Variants in PDE4D observed in about 807,000 individuals in gnomAD.
PDE4D encodes the protein 3',5'-cyclic-AMP phosphodiesterase 4D.
In PDE4D, 24 loss-of-function variants were observed where a neutral mutation model predicts 87.4. The observed-to-expected ratio is 0.27, with a 90% CI of 0.20 to 0.39. The LOEUF (loss-of-function observed/expected upper bound fraction) is 0.39. Among genes scored for constraint, PDE4D ranks in the 10% least tolerant of loss-of-function variants. The pLI is 1.00. For synonymous variants in PDE4D, 384 were observed against 383.2 expected (o/e 1.00, Z -0.02); for missense variants, 714 against 1,041.0 (o/e 0.69, Z 4.32).
intron 1 of PDE4D, among the ~76,000 whole-genome samples, chr5:59,823,658 T>G (rs374014509): frequency 2.6e-5 from 4 of 152,030 alleles, no homozygotes; most frequent in Non-Finnish European, 5.9e-5. Flanking sequence ...TGCTAGGAAC[T>G]CTTCTGTAGT....
intron 1 of PDE4D, among the ~76,000 whole-genome samples, chr5:59,241,110 T>C (rs1757576759): frequency 6.6e-6 from 1 of 152,162 alleles, no homozygotes; most frequent in Non-Finnish European, 1.5e-5. Flanking sequence ...TCTCCAAAGC[T>C]TATTTGTGGG....
At chr5:60,105,234 A>C (rs1317272382) in intron 2 of PDE4D, among the ~76,000 whole-genome samples, 1 of 152,234 alleles carries the variant, frequency 6.6e-6, no homozygotes, top group Non-Finnish European at 1.5e-5. Flanking sequence ...TCAGGAGCCA[A>C]TGCGATCAAC....
At chr5:60,443,672 T>G (rs555731831) in intron 1 of PDE4D, among the ~76,000 whole-genome samples, 7 of 152,208 alleles carry the variant, frequency 4.6e-5, no homozygotes, top group Admixed American at 2.0e-4. Context: ...ACAAAGCAAG[T>G]AATAATAAGA....
intron 1 of PDE4D, among the ~76,000 whole-genome samples, chr5:59,399,684 C>T (rs201495097): frequency 2.3e-4 from 30 of 130,518 alleles, no homozygotes; most frequent in South Asian, 2.0e-3. Flanking sequence ...AAGGACTTCA[C>T]GTCTAAAACA....
intron 3 of PDE4D, among the ~76,000 whole-genome samples, chr5:59,975,093 C>T (rs1185989772): frequency 6.6e-6 from 1 of 152,172 alleles, no homozygotes; most frequent in African/African-American, 2.4e-5. Context: ...AAAAACTTCT[C>T]GTTTGACATC....
chr5:60,294,731 C>A (rs1404013479), intron 1 of PDE4D, among the ~76,000 whole-genome samples: 1 of 151,888 alleles, frequency 6.6e-6, no homozygotes, highest in Non-Finnish European at 1.5e-5. Context: ...ATCCTTATGT[C>A]AAAACCTCAT....
intron 1 of PDE4D, among the ~76,000 whole-genome samples, chr5:59,237,825 T>C (rs2153520733): frequency 6.8e-6 from 1 of 147,622 alleles, no homozygotes; most frequent in South Asian, 2.2e-4. Context: ...GTGTGTGAAC[T>C]CAGTGATATG....
intron 5 of PDE4D, among the ~76,000 whole-genome samples, chr5:59,074,829 G>A (rs181420822): frequency 2.8e-3 from 429 of 152,214 alleles, no homozygotes; most frequent in Non-Finnish European, 4.6e-3. Context: ...GGAGAAATTG[G>A]AAGTCCTCAA....
At chr5:60,286,619 A>G (rs1752444258) in intron 1 of PDE4D, among the ~76,000 whole-genome samples, 1 of 152,166 alleles carries the variant, frequency 6.6e-6, no homozygotes, top group South Asian at 2.1e-4. Flanking sequence ...TTAAGCATGA[A>G]ATGTTTGCCT....
intron 2 of PDE4D, among the ~76,000 whole-genome samples, chr5:60,030,426 C>T (rs1206494937): frequency 1.3e-5 from 2 of 152,092 alleles, no homozygotes; most frequent in African/African-American, 4.8e-5. Context: ...GTCCGCAGTC[C>T]GGCCTGGGCG....
At chr5:60,290,374 A>G (rs1027804844) in intron 1 of PDE4D, among the ~76,000 whole-genome samples, 11 of 152,246 alleles carry the variant, frequency 7.2e-5, no homozygotes, top group Admixed American at 2.0e-4. Flanking sequence ...AAAAGAAATT[A>G]ATGTGTGATA....
intron 3 of PDE4D, among the ~76,000 whole-genome samples, chr5:59,918,571 CA>C (rs1754323510): frequency 6.6e-6 from 1 of 152,148 alleles, no homozygotes; most frequent in Non-Finnish European, 1.5e-5. Context: ...GTCATACTAG[CA>C]AACTCACTCT....
chr5:59,200,078 C>CGCATACATGTATGTAG (rs1746578966), intron 2 of PDE4D, among the ~76,000 whole-genome samples: 3 of 150,144 alleles, frequency 2.0e-5, no homozygotes, highest in Admixed American at 2.0e-4. Context: ...CACGTATGCA[C>CGCATACATGTATGTAG]ACATACATGT....
chr5:60,384,085 T>C (rs1282489553), intron 1 of PDE4D, among the ~76,000 whole-genome samples: 5 of 152,220 alleles, frequency 3.3e-5, no homozygotes, highest in Non-Finnish European at 5.9e-5. Context: ...TTAAATCTTA[T>C]CTTTTGGCAA....
chr5:59,062,140 T>C (rs868634946), intron 5 of PDE4D, among the ~76,000 whole-genome samples: 18 of 152,232 alleles, frequency 1.2e-4, no homozygotes, highest in Admixed American at 2.6e-4. Flanking sequence ...AAAAACAGTA[T>C]AAAAATACAG....
At chr5:60,178,056 G>A (rs1194554114) in intron 2 of PDE4D, among the ~76,000 whole-genome samples, 1 of 152,088 alleles carries the variant, frequency 6.6e-6, no homozygotes, top group Non-Finnish European at 1.5e-5. Context: ...TTCAGAGTAT[G>A]ATACTAACAA....
At chr5:59,835,786 T>C (rs1001181189) in intron 1 of PDE4D, among the ~76,000 whole-genome samples, 2 of 152,040 alleles carry the variant, frequency 1.3e-5, no homozygotes, top group African/African-American at 2.4e-5. Flanking sequence ...CAAGGTTAGG[T>C]AGGAGCTTCT....
intron 5 of PDE4D, among the ~76,000 whole-genome samples, chr5:59,066,370 TGAAGTGCA>T (rs2153414873): frequency 6.6e-6 from 1 of 151,924 alleles, no homozygotes; most frequent in South Asian, 2.1e-4. Flanking sequence ...AGAGCAAGGG[TGAAGTGCA>T]GAAAGGAGTG....
At chr5:60,519,523 C>T (rs1750942734) in intron 1 of PDE4D, among the ~76,000 whole-genome samples, 1 of 152,196 alleles carries the variant, frequency 6.6e-6, no homozygotes, top group Non-Finnish European at 1.5e-5. Flanking sequence ...TTTCAACAAG[C>T]ATGAAATCTG....
Sources: allele counts gnomAD v4.1 joint callset (sites outside exome capture counted in the v4.1 genomes callset), GRCh38; gene constraint gnomAD v4.1.1; transcripts MANE v1.5; gene names NCBI Gene and HGNC (gene_info 2026-07-23, HGNC 2026-07-21).